Variants in MED13 observed in about 807,000 individuals in gnomAD.
MED13 encodes mediator complex subunit 13, also known as mediator of RNA polymerase II transcription subunit 13.
A neutral mutation model predicts 225.2 loss-of-function variants in MED13; 23 were observed. The ratio of observed to expected loss-of-function variants is 0.10; its 90% CI spans 0.07 to 0.14. MED13 has a LOEUF of 0.14. Ranked by LOEUF, MED13 falls within the 10% of genes least tolerant of loss-of-function variation. The pLI, the probability that MED13 is intolerant of heterozygous loss-of-function variation, is 1.00. For synonymous variants in MED13, 942 were observed against 889.2 expected, an observed-to-expected ratio of 1.06 and a Z score of -1.06; for missense variants, 2,197 against 2,594.5, an observed-to-expected ratio of 0.85 and a Z score of 3.33.
At chr17:62,040,616 C>T (rs1229220263) in intron 3 of MED13, among the ~76,000 whole-genome samples, 1 of 151,986 alleles carries the variant, frequency 6.6e-6, no homozygotes, top group East Asian at 1.9e-4. Flanking sequence ...GTAGAGAATC[C>T]GAGGCACAAA....
chr17:61,977,536 C>T (rs1421159686), intron 16 of MED13, among the ~76,000 whole-genome samples: 2 of 152,218 alleles, frequency 1.3e-5, no homozygotes, highest in African/African-American at 4.8e-5. Flanking sequence ...ACTGTAAGCT[C>T]CCCCTCCCGG....
chr17:61,983,284 ATCTAC>A (rs1319179719), intron 15 of MED13, among the ~76,000 whole-genome samples, 170 bp from the exon 16 acceptor site: 1 of 152,182 alleles, frequency 6.6e-6, no homozygotes, highest in African/African-American at 2.4e-5. Context: ...TGGTTAACAT[ATCTAC>A]TCTAAGTGAT....
Position 61,995,216 on chromosome 17 carries a change from T to C in MED13, c.2117A>G (p.Glu706Gly), listed in dbSNP as rs1209959620. Residue 706 changes from glutamate to glycine, a missense_variant, in exon 10 of 30, where the codon GAA (glutamate) becomes GGA (glycine). Transcript: ENST00000397786. ...ATCTTTTTTATCAGGAAAAAGGAAT[T>C]CCTCATCTCCTTCAACAAATGCATA... ...DPYAFVEGDE[E>G]FLFPDKKDRQ... The C allele has an allele frequency of 6.2e-7, 1 of 1,613,728 alleles. No individual in the cohort carries two copies. The highest frequency in any genetic ancestry group is 1.3e-5 in the African/African-American group (1 of 74,908).
At chr17:61,956,580 G>T (rs1373623849) in intron 23 of MED13, 99 bp from the exon 24 acceptor site, 1 of 1,237,166 alleles carries the variant, frequency 8.1e-7, no homozygotes, top group African/African-American at 1.5e-5. Context: ...TGTCACCCAG[G>T]CTGGATGGAG....
At chr17:62,048,070 A>ATG (rs2080918042) in intron 3 of MED13, among the ~76,000 whole-genome samples, 1 of 146,372 alleles carries the variant, frequency 6.8e-6, no homozygotes, top group African/African-American at 2.5e-5. Context: ...ATATGTATAT[A>ATG]TGTATATATA....
At position 61,963,458 on chromosome 17, in the gene MED13, C is replaced by A. The variant is rs139605478; in HGVS notation, c.4845-487G>T. Among the ~76,000 whole-genome samples the A allele has an allele frequency of 1.6e-3, 245 of 152,038 alleles. 1 individual carries two copies. Among genetic ancestry groups the A allele is most frequent in the East Asian group, 3.5e-3 (18 of 5,174 alleles). ...TAGTACATTTTCAGACTCTCTCTCT[C>A]TATATATGTGTATATATATATCTTT... On this transcript the variant is annotated intron_variant, in intron 20 of 29. Coordinates refer to ENST00000397786, the MANE Select transcript of MED13 (RefSeq NM_005121.3).
At chr17:61,963,202 C>CAAAAAAAAAAA (rs11290002) in intron 20 of MED13, among the ~76,000 whole-genome samples, 87 of 55,794 alleles carry the variant, frequency 1.6e-3, no homozygotes, top group East Asian at 1.9e-3. Flanking sequence ...TTAAATTTAC[C>CAAAAAAAAAAA]AAAAAAAAAA....
chr17:61,986,222 A>C (rs559485407), intron 12 of MED13, among the ~76,000 whole-genome samples: 35 of 152,300 alleles, frequency 2.3e-4, no homozygotes, highest in African/African-American at 8.4e-4. Context: ...GTAAAAGTTT[A>C]TGTATCTGCA....
rs546514802 is a variant in MED13, at chr17:62,021,290, C to T, written c.1283+8251G>A. Among the ~76,000 whole-genome samples, 15 of 150,744 alleles carry T rather than the reference C, an allele frequency of 1.0e-4. No individual in the cohort carries two copies. In the South Asian group the frequency reaches 2.3e-3, roughly 24 times the overall value. On this transcript the variant is annotated intron_variant, in intron 8 of 29. Coordinates refer to ENST00000397786, the MANE Select transcript of MED13 (RefSeq NM_005121.3). ...CCGGGCAGAGGCGCCCCTCACCTCC[C>T]GGACGGGGCGGCTGGCCGGGCGGGG...
In MED13 at chr17:62,024,181, C is replaced by T. The variant is rs189737794; in HGVS notation, c.1283+5360G>A. 1.1e-4 allele frequency among the ~76,000 whole-genome samples: 17 copies of T among 152,180 alleles called. No homozygotes were observed. In the East Asian group the frequency reaches 3.1e-3, roughly 28 times the overall value. ...TACAGGCGTGTGCCACCATGCCTGG[C>T]TAATTTTTGTATTTTTAATAGAGAT... On this transcript the variant is annotated intron_variant, in intron 8 of 29. Coordinates refer to ENST00000397786, the MANE Select transcript of MED13 (RefSeq NM_005121.3).
At chr17:61,957,020 C>T (rs1458438355) in intron 23 of MED13, among the ~76,000 whole-genome samples, 1 of 152,094 alleles carries the variant, frequency 6.6e-6, no homozygotes. Context: ...TAAAACACCT[C>T]AATTCATCAG....
At chr17:61,964,944 A>G in intron 20 of MED13, 62 bp downstream of exon 20, 1 of 1,474,060 alleles carries the variant, frequency 6.8e-7, no homozygotes, top group Non-Finnish European at 9.1e-7. Context: ...TCAAGAAAAA[A>G]AAAGAAAGAA....
Position 61,983,824 on chromosome 17 carries a change from G to A in MED13, c.2888+347C>T, listed in dbSNP as rs527618618. Among the ~76,000 whole-genome samples the A allele has an allele frequency of 1.8e-4, 27 of 151,562 alleles. No individual in the cohort carries two copies. The South Asian group carries it at 5.2e-3, about 29-fold the overall frequency. On this transcript the variant is annotated intron_variant, in intron 15 of 29. Coordinates refer to ENST00000397786, the MANE Select transcript of MED13 (RefSeq NM_005121.3). Reference sequence around the variant, plus strand: ...GCTCCCTGCAATGCCTGACTCCCAGGTTCAAGCCATTCTTGTGCCTCAGCC... The same window carrying A: ...GCTCCCTGCAATGCCTGACTCCCAGATTCAAGCCATTCTTGTGCCTCAGCC...
intron 3 of MED13, among the ~76,000 whole-genome samples, chr17:62,039,849 T>C (rs893525469): frequency 6.6e-6 from 1 of 152,120 alleles, no homozygotes; most frequent in African/African-American, 2.4e-5. Flanking sequence ...TCCGCCCACC[T>C]TGGCATCCCA....
intron 2 of MED13, among the ~76,000 whole-genome samples, chr17:62,060,704 C>G (rs575644428): frequency 4.9e-4 from 74 of 150,242 alleles, no homozygotes; most frequent in African/African-American, 1.7e-3. Flanking sequence ...AGATCACTAT[C>G]TATTTTTTTT....
chr17:62,056,035 T>C lies in MED13; in HGVS notation c.302-3330A>G, dbSNP rs547261629. ...CTAAATCCAACGTATCTCTGAAGTA[T>C]GTCCTCATCTATATGGCAAGCAACT... On this transcript the variant is annotated intron_variant, in intron 2 of 29. Coordinates refer to ENST00000397786, the MANE Select transcript of MED13 (RefSeq NM_005121.3). Among the ~76,000 whole-genome samples the C allele has an allele frequency of 2.2e-4, 34 of 152,290 alleles. No homozygotes were observed. The East Asian group carries it at 6.6e-3, about 29-fold the overall frequency.
chr17:62,049,746 T>C (rs773698056), intron 3 of MED13, among the ~76,000 whole-genome samples: 124 of 151,254 alleles, frequency 8.2e-4, no homozygotes, highest in Non-Finnish European at 1.4e-3. Context: ...CCTGGCTACA[T>C]GGTGAAACCC....
chr17:62,054,229 A>T (rs1262166471), intron 2 of MED13, among the ~76,000 whole-genome samples: 3 of 151,992 alleles, frequency 2.0e-5, no homozygotes, highest in African/African-American at 7.3e-5. Context: ...ATCACCCAAG[A>T]GGGAGAGATT....
At chr17:62,021,297 G>T (rs1181214440) in intron 8 of MED13, among the ~76,000 whole-genome samples, 1 of 148,312 alleles carries the variant, frequency 6.7e-6, no homozygotes, top group Non-Finnish European at 1.5e-5. Context: ...TCCCGGACGG[G>T]GCGGCTGGCC....
Sources: gnomAD v4.1 joint callset for allele counts (sites outside exome capture counted in the v4.1 genomes callset) on GRCh38, gnomAD v4.1.1 for gene constraint, MANE v1.5 for transcripts, NCBI Gene and HGNC (gene_info 2026-07-23, HGNC 2026-07-21) for gene names.